Variants in DNM1L observed in about 807,000 individuals in gnomAD.
DNM1L encodes dynamin-1-like protein.
DNM1L carries 33 observed loss-of-function variants against 92.8 expected under a neutral mutation model. The observed-to-expected ratio is 0.36, with a 90% CI of 0.27 to 0.48. The LOEUF (loss-of-function observed/expected upper bound fraction) is 0.48, where lower values mean the gene tolerates loss of function less well. DNM1L is among the 20% of genes least tolerant of loss of function. DNM1L has a pLI of 0.99. For synonymous variants in DNM1L, 284 were observed against 305.0 expected (o/e 0.93, Z 0.72); for missense variants, 485 against 888.8 (o/e 0.55, Z 5.78).
chr12:32,705,746 A>T (rs891767939), intron 2 of DNM1L: 2 of 1,303,208 alleles, frequency 1.5e-6, no homozygotes, highest in South Asian at 2.5e-5. Context: ...AGGTTTCTGC[A>T]CATTTGAATT....
intron 7 of DNM1L, among the ~76,000 whole-genome samples, chr12:32,719,710 G>A (rs1953716553): frequency 6.6e-6 from 1 of 152,086 alleles, no homozygotes; most frequent in African/African-American, 2.4e-5. Flanking sequence ...ATTAAAAATC[G>A]GGAAAAGGAA....
chr12:32,742,733 A>G lies in DNM1L; in HGVS notation c.2139A>G (p.Ala713=), dbSNP rs1955392286. 1 of 1,613,994 alleles carries G rather than the reference A, an allele frequency of 6.2e-7. No homozygotes were observed. The highest frequency in any genetic ancestry group is 1.3e-5 in the African/African-American group (1 of 74,906). ...SEDMAQRRKE[A]ADMLKALQGA... is the part of the protein sequence containing the mutation. ...ACATGGCACAGCGCAGGAAAGAAGC[A>G]GCTGATATGCTAAAGGTATTGTGGA... The change falls in exon 19 of 20, where the codon GCA becomes GCG. Residue 713 remains alanine (A), a synonymous_variant. Coordinates refer to ENST00000549701, the MANE Select transcript of DNM1L (RefSeq NM_012062.5).
In DNM1L at chr12:32,739,981, GACT is replaced by G. The variant is rs990240858; in HGVS notation, c.1708-79_1708-77del. The stretch of plus-strand genomic sequence containing the variant: ...TTCAGATGGGTACTGGATGTATATT[GACT>G]ACTGTCAAATAAAATGAACTTTGTT... On this transcript the variant is annotated intron_variant, in intron 16 of 19. Coordinates refer to ENST00000549701, the MANE Select transcript of DNM1L (RefSeq NM_012062.5). 4 of 1,568,860 alleles carry G rather than the reference GACT, an allele frequency of 2.5e-6. No individual in the cohort carries two copies. In the African/African-American group the frequency reaches 5.4e-5, roughly 21 times the overall value.
chr12:32,737,563 A>G (rs1954978492), intron 14 of DNM1L: 1 of 422,302 alleles, frequency 2.4e-6, no homozygotes, highest in South Asian at 2.3e-5. Context: ...TTGTAATACT[A>G]AAGTGTGTAT....
At chr12:32,708,124 T>G (rs761729489) in intron 3 of DNM1L, 29 bp from the exon 4 acceptor site, 51 of 1,370,992 alleles carry the variant, frequency 3.7e-5, no homozygotes, top group Non-Finnish European at 5.3e-5. Flanking sequence ...ATTTTGAATA[T>G]TATGCTTTTT....
At chr12:32,720,847 G>T in intron 8 of DNM1L, 52 bp downstream of exon 8, 1 of 1,604,904 alleles carries the variant, frequency 6.2e-7, no homozygotes, top group Non-Finnish European at 8.5e-7. Flanking sequence ...ACCAATTGGT[G>T]TCTGAGAGGG....
chr12:32,705,775 T>C, intron 2 of DNM1L: 3 of 1,542,138 alleles, frequency 1.9e-6, no homozygotes, highest in Non-Finnish European at 2.6e-6. Context: ...GGTTTAAAAT[T>C]TTAGGGATAA....
intron 2 of DNM1L, among the ~76,000 whole-genome samples, chr12:32,703,758 A>G (rs998598184): frequency 6.6e-6 from 1 of 152,182 alleles, no homozygotes; most frequent in African/African-American, 2.4e-5. Context: ...ATGGAGAAGT[A>G]TAATCCATCT....
intron 7 of DNM1L, among the ~76,000 whole-genome samples, chr12:32,719,661 G>C (rs558154453): frequency 3.3e-5 from 5 of 152,270 alleles, no homozygotes; most frequent in African/African-American, 1.2e-4. Context: ...GTGACTTGGA[G>C]AAATTTTATT....
chr12:32,744,857 G>T lies in DNM1L; in HGVS notation c.*1447G>T, dbSNP rs1358023379. On this transcript the variant is annotated 3_prime_UTR_variant, in exon 20 of 20. Transcript: ENST00000549701. Reference sequence around the variant, plus strand: ...TCCCCAGATGATTCTTGGTATGAACGACTATATTATAAATTTTAAGATGTA... The same window carrying T: ...TCCCCAGATGATTCTTGGTATGAACTACTATATTATAAATTTTAAGATGTA... 1 of 497,900 alleles carries T rather than the reference G, an allele frequency of 2.0e-6. No individual in the cohort carries two copies. The highest frequency in any genetic ancestry group is 4.0e-6 in the Non-Finnish European group (1 of 248,246). 30.8% of individuals were successfully genotyped at this position (497,900 alleles called of 1,614,324 possible).
At chr12:32,724,000 G>A (rs1346202365) in intron 9 of DNM1L, among the ~76,000 whole-genome samples, 2 of 152,124 alleles carry the variant, frequency 1.3e-5, no homozygotes, top group Non-Finnish European at 2.9e-5. Context: ...TTTGTTAAGA[G>A]CAGGAAATCT....
Position 32,740,042 on chromosome 12 carries a change from GTTTTGGAACA to G in DNM1L, c.1708-20_1708-11del, listed in dbSNP as rs1402494658. 1.2e-6 allele frequency: 2 copies of G among 1,614,104 alleles called. No homozygotes were observed. Among genetic ancestry groups the G allele is most frequent in the East Asian group, 4.5e-5 (2 of 44,892 alleles). ...AGGTCAGATATGATGTGGTTGGTAT[GTTTTGGAACA>G]TGTTTTTTCAGGTTGCATCTGGAGG... is the stretch of plus-strand genomic sequence containing the variant. On this transcript the variant is annotated splice_polypyrimidine_tract_variant and intron_variant, in intron 16 of 19. Transcript: ENST00000549701.
At chr12:32,720,837 A>G in intron 8 of DNM1L, 42 bp downstream of exon 8, 1 of 1,609,572 alleles carries the variant, frequency 6.2e-7, no homozygotes. Context: ...GTTTGTTTTT[A>G]CCAATTGGTG....
chr12:32,708,184 A>G lies in DNM1L; in HGVS notation c.329A>G (p.Glu110Gly). The change falls in exon 4 of 20, where the codon GAA becomes GGA. Residue 110 changes from glutamate (E) to glycine (G), a missense_variant. By Grantham distance (98) the Glu-to-Gly change is moderately conservative (BLOSUM62 -2). This residue lies in a region of DNM1L where 159 missense variants were observed against 275.9 expected (regional missense o/e 0.58). Coordinates refer to ENST00000549701, the MANE Select transcript of DNM1L (RefSeq NM_012062.5). ...LYTDFDEIRQ[E>G]IENETERISG... ...ACGGATTTTGATGAAATTCGACAAG[A>G]AATTGAAAATGAAACAGAAAGAATT... The G allele has an allele frequency of 6.2e-7, 1 of 1,606,098 alleles. No individual in the cohort carries two copies. Among genetic ancestry groups the G allele is most frequent in the Non-Finnish European group, 8.5e-7 (1 of 1,173,388 alleles).
chr12:32,686,009 A>G (rs1446075295), intron 1 of DNM1L, among the ~76,000 whole-genome samples: 2 of 151,138 alleles, frequency 1.3e-5, no homozygotes, highest in Non-Finnish European at 2.9e-5. Context: ...TTAACTTAAC[A>G]AAATTGAGGT....
chr12:32,706,480 G>T (rs1376558075), intron 2 of DNM1L, among the ~76,000 whole-genome samples: 1 of 152,160 alleles, frequency 6.6e-6, no homozygotes, highest in African/African-American at 2.4e-5. Flanking sequence ...AACAGTTCTA[G>T]TTTTTCTGGG....
chr12:32,708,293 A>G, intron 4 of DNM1L, 69 bp downstream of exon 4: 1 of 1,017,624 alleles, frequency 9.8e-7, no homozygotes, highest in Non-Finnish European at 1.5e-6. Context: ...TCTGTACATA[A>G]TATGTGAAGG....
At chr12:32,680,056 TA>T (rs573951822) in intron 1 of DNM1L, 24 of 963,096 alleles carry the variant, frequency 2.5e-5, no homozygotes, top group Middle Eastern at 1.1e-3. Flanking sequence ...AGCAGCATTT[TA>T]AAAAAAGAAA....
rs558571819 is a variant in DNM1L at position 32,713,685 on chromosome 12, G to C, written c.619+314G>C. On this transcript the variant is annotated intron_variant, in intron 6 of 19. Coordinates refer to ENST00000549701, the MANE Select transcript of DNM1L (RefSeq NM_012062.5). ...AGGTATTTGAATAGTTGACTTTTAA[G>C]AATAAATAACATAGCCAGGTGTGGT... Among the ~76,000 whole-genome samples the C allele has an allele frequency of 1.6e-3, 248 of 152,138 alleles. 2 individuals carry two copies. Among genetic ancestry groups the C allele is most frequent in the African/African-American group, 5.5e-3 (230 of 41,522 alleles).
Sources: gnomAD v4.1 joint callset for allele counts (sites outside exome capture counted in the v4.1 genomes callset) on GRCh38, gnomAD v4.1.1 for gene constraint, gnomAD v4.1.1 regional missense constraint, MANE v1.5 for transcripts, NCBI Gene and HGNC (gene_info 2026-07-23, HGNC 2026-07-21) for gene names.